The following ATP9A variants were observed in gnomAD, a reference collection of about 807,000 sequenced individuals.
ATP9A encodes ATPase phospholipid transporting 9A, also known as probable phospholipid-transporting ATPase IIA.
ATP9A carries 52 observed loss-of-function variants against 144.1 expected under a neutral mutation model. The ratio of observed to expected loss-of-function variants is 0.36; its 90% CI spans 0.29 to 0.45. The LOEUF (loss-of-function observed/expected upper bound fraction) is 0.45, where lower values mean the gene tolerates loss of function less well. ATP9A is among the 20% of genes least tolerant of loss of function. ATP9A has a pLI of 1.00. For synonymous variants in ATP9A, 582 were observed against 557.4 expected, an observed-to-expected ratio of 1.04 and a Z score of -0.62; for missense variants, 947 against 1,392.7, an observed-to-expected ratio of 0.68 and a Z score of 5.09.
At chr20:51,604,138 T>G (rs4809854) in intron 27 of ATP9A, among the ~76,000 whole-genome samples, 4 of 151,920 alleles carry the variant, frequency 2.6e-5, no homozygotes, top group Non-Finnish European at 4.4e-5. Context: ...CCATTTTTCT[T>G]TCTTGGTAAC....
intron 14 of ATP9A, among the ~76,000 whole-genome samples, chr20:51,645,401 T>A (rs2077338032): frequency 6.6e-6 from 1 of 152,028 alleles, no homozygotes. Context: ...GCACCTATAA[T>A]CCCAGCTACT....
chr20:51,656,510 G>A (rs775070935), intron 14 of ATP9A, among the ~76,000 whole-genome samples: 5 of 152,044 alleles, frequency 3.3e-5, no homozygotes, highest in Non-Finnish European at 5.9e-5. Flanking sequence ...CCGAGATCAC[G>A]CCACTGCACT....
At chr20:51,699,226 C>G (rs1278740738) in intron 4 of ATP9A, among the ~76,000 whole-genome samples, 1 of 150,214 alleles carries the variant, frequency 6.7e-6, no homozygotes, top group Non-Finnish European at 1.5e-5. Flanking sequence ...CGTGTAATCT[C>G]AGCTACTGAG....
intron 3 of ATP9A, 57 bp downstream of exon 3, chr20:51,725,762 G>T: frequency 2.4e-6 from 3 of 1,244,906 alleles, no homozygotes; most frequent in East Asian, 2.3e-5. Flanking sequence ...GAGAAACAAA[G>T]AACTTTCTGT....
chr20:51,601,177 C>T lies in ATP9A; in HGVS notation c.*34G>A. 1.3e-6 allele frequency: 2 copies of T among 1,561,580 alleles called. No homozygotes were observed. Among genetic ancestry groups the T allele is most frequent in the Middle Eastern group, 1.9e-4 (1 of 5,400 alleles). ...TTGAGCTCTGTCCATCAGGGAAGCGCCAAGACCAGGGCCCCCTCCAGCGAA... is the reference window on the plus strand; with the variant it reads ...TTGAGCTCTGTCCATCAGGGAAGCGTCAAGACCAGGGCCCCCTCCAGCGAA... On this transcript the variant is annotated 3_prime_UTR_variant, in exon 28 of 28. Coordinates refer to ENST00000338821, the MANE Select transcript of ATP9A (RefSeq NM_006045.3).
chr20:51,667,593 T>A (rs2077438102), intron 13 of ATP9A, among the ~76,000 whole-genome samples: 2 of 151,938 alleles, frequency 1.3e-5, no homozygotes, highest in African/African-American at 2.4e-5. Context: ...AGACCAAGGC[T>A]AGATCCCACT....
chr20:51,608,208 C>T (rs1390572677), intron 25 of ATP9A, among the ~76,000 whole-genome samples: 1 of 152,162 alleles, frequency 6.6e-6, no homozygotes, highest in Non-Finnish European at 1.5e-5. Context: ...TGGGAGCAAA[C>T]GTTAAGTTGC....
chr20:51,734,059 C>T (rs2077753330), intron 1 of ATP9A, among the ~76,000 whole-genome samples: 1 of 152,066 alleles, frequency 6.6e-6, no homozygotes, highest in South Asian at 2.1e-4. Context: ...TTGTTGCAGC[C>T]TCAACCTTCC....
chr20:51,686,442 CAAAAACA>C (rs1251004420), intron 9 of ATP9A, among the ~76,000 whole-genome samples: 1 of 150,152 alleles, frequency 6.7e-6, no homozygotes, highest in African/African-American at 2.4e-5. Flanking sequence ...CCATCACAAA[CAAAAACA>C]AAAAACAAAC....
chr20:51,720,046 C>T (rs751081941), intron 3 of ATP9A, among the ~76,000 whole-genome samples: 4 of 152,088 alleles, frequency 2.6e-5, no homozygotes, highest in Admixed American at 6.6e-5. Flanking sequence ...GTGAGACTCT[C>T]AATGAATCAA....
rs1207966219 is a variant in ATP9A, at chr20:51,611,185, C to A, written c.2572-1020G>T. 6.6e-6 allele frequency among the ~76,000 whole-genome samples: 1 copy of A among 152,192 alleles called. No individual in the cohort carries two copies. Among genetic ancestry groups the A allele is most frequent in the Non-Finnish European group, 1.5e-5 (1 of 68,042 alleles). On this transcript the variant is annotated intron_variant, in intron 23 of 27. Transcript: ENST00000338821. This position sits in a 1 kb window ranked among gnomAD's most constrained non-coding sequence, Gnocchi z 4.2. ...TAGCATCAGACCAGGGCTAGCTCCC[C>A]AGAGCACCTTCAATGGACACAGAGA...
At chr20:51,753,922 C>T (rs2077844528) in intron 1 of ATP9A, among the ~76,000 whole-genome samples, 1 of 151,782 alleles carries the variant, frequency 6.6e-6, no homozygotes, top group South Asian at 2.1e-4. Context: ...ATCCACCCAC[C>T]TCAGCCTCCC....
chr20:51,648,340 A>G (rs6067867), intron 14 of ATP9A, among the ~76,000 whole-genome samples: 68,651 of 152,156 alleles, frequency 0.45, 16,990 homozygotes, highest in East Asian at 0.8. Flanking sequence ...CAGCAACAAG[A>G]TTAAGACGAG....
At chr20:51,731,419 G>A (rs1436769799) in intron 1 of ATP9A, among the ~76,000 whole-genome samples, 1 of 151,088 alleles carries the variant, frequency 6.6e-6, no homozygotes, top group East Asian at 2.0e-4. Context: ...ATGCTTCACA[G>A]ATAAGAGAGA....
chr20:51,709,436 AC>A (rs1205485177), intron 4 of ATP9A, among the ~76,000 whole-genome samples: 6 of 151,922 alleles, frequency 3.9e-5, no homozygotes, highest in African/African-American at 1.2e-4. Context: ...AATCGCTTCA[AC>A]CCGGGAGGCA....
intron 14 of ATP9A, among the ~76,000 whole-genome samples, chr20:51,642,726 C>CAAAAAAAAAAAAAAAAAAAAAAAAA (rs778440862): frequency 1.3e-4 from 4 of 31,138 alleles, no homozygotes; most frequent in Non-Finnish European, 3.0e-4. Flanking sequence ...ACTCTGTCTC[C>CAAAAAAAAAAAAAAAAAAAAAAAAA]AAAAAAAAAA....
At chr20:51,736,594 T>G (rs2077763845) in intron 1 of ATP9A, among the ~76,000 whole-genome samples, 1 of 151,614 alleles carries the variant, frequency 6.6e-6, no homozygotes, top group African/African-American at 2.4e-5. Context: ...GCTCAAGCTA[T>G]CCTCCTGACT....
chr20:51,743,090 A>G (rs1034974416), intron 1 of ATP9A, among the ~76,000 whole-genome samples: 3 of 152,166 alleles, frequency 2.0e-5, no homozygotes, highest in Non-Finnish European at 4.4e-5. Flanking sequence ...ACATCTGTCC[A>G]AACAAGAGAA....
At chr20:51,625,453 T>G in intron 17 of ATP9A, 91 bp from the exon 18 acceptor site, 1 of 1,434,230 alleles carries the variant, frequency 7.0e-7, no homozygotes, top group Non-Finnish European at 9.4e-7. Context: ...CCACACCCGA[T>G]CCCCACCACA....
Sources: allele counts gnomAD v4.1 joint callset (sites outside exome capture counted in the v4.1 genomes callset), GRCh38; gene constraint gnomAD v4.1.1; non-coding constraint Gnocchi (gnomAD v3.1); transcripts MANE v1.5; gene names NCBI Gene and HGNC (gene_info 2026-07-23, HGNC 2026-07-21).